SREBF1: variants seen among roughly 807,000 people sequenced by gnomAD.
SREBF1 encodes the protein sterol regulatory element-binding protein 1.
Under a neutral mutation model 100.1 loss-of-function variants are expected in SREBF1, and 45 were observed. The observed-to-expected ratio is 0.45, with a 90% CI of 0.35 to 0.58. The LOEUF is 0.58. Among genes scored for constraint, SREBF1 ranks in the 20% least tolerant of loss-of-function variants. The pLI, the probability that SREBF1 is intolerant of heterozygous loss-of-function variation, is 0.00. For synonymous variants in SREBF1, 657 were observed against 681.8 expected (o/e 0.96, Z 0.57); for missense variants, 1,324 against 1,539.4 (o/e 0.86, Z 2.34).
At chr17:17,829,508 A>G (rs2034725279) in intron 1 of SREBF1, among the ~76,000 whole-genome samples, 1 of 152,016 alleles carries the variant, frequency 6.6e-6, no homozygotes. Context: ...CAAGGCTGTG[A>G]CCAGAACTTT....
At position 17,813,803 on chromosome 17, in the gene SREBF1, G is replaced by A. The variant is rs1001475002; in HGVS notation, c.2902-34C>T. The A allele has an allele frequency of 5.9e-6, 9 of 1,532,858 alleles. No individual in the cohort carries two copies. In the African/African-American group the frequency reaches 9.6e-5, roughly 16 times the overall value. The allele number at this position is 1,532,858 out of a possible 1,614,324, so 95.0% of individuals were successfully genotyped here. A position where few individuals can be genotyped will look rare whatever the true frequency, so the allele number is the denominator to read the frequency against. On this transcript the variant is annotated intron_variant, in intron 16 of 18. Transcript: ENST00000261646. Reference sequence around the variant, plus strand: ...GGCAGGCAGGGCAGGGGTCACCAGGGCTCCAGCTCTGGGAGGGGCAGGATG... The same window carrying A: ...GGCAGGCAGGGCAGGGGTCACCAGGACTCCAGCTCTGGGAGGGGCAGGATG...
At position 17,817,077 on chromosome 17, in the gene SREBF1, A is replaced by G. The variant is rs2229591; in HGVS notation, c.1666T>C (p.Leu556=). Residue 556 remains leucine (L), a synonymous_variant, in exon 9 of 19, where the codon TTG becomes CTG. Transcript: ENST00000261646. The surrounding 1 kb of genome is among the most constrained non-coding windows in gnomAD (Gnocchi z 6.6). ...AGAAGCACCAAGGAGACGAGCACCA[A>G]CAGCCCATTGAGCAGCCAGACCACT... The part of the protein sequence containing the change: ...PPVVWLLNGL[L]VLVSLVLLFV... 0.012 allele frequency: 18,916 copies of G among 1,613,088 alleles called. 1,668 individuals are homozygous for G. The African/African-American group carries it at 0.2, about 17-fold the overall frequency.
Position 17,833,453 on chromosome 17 carries a change from ATATATATAT to A in SREBF1, c.91+3265_91+3273del, listed in dbSNP as rs2035024410. 5.5e-5 allele frequency among the ~76,000 whole-genome samples: 6 copies of A among 108,824 alleles called. No individual in the cohort carries two copies. The East Asian group carries it at 1.5e-3, about 27-fold the overall frequency. 71.4% of individuals were successfully genotyped at this position (108,824 alleles called of 152,430 possible). A position where few individuals can be genotyped will look rare whatever the true frequency, so the allele number is the denominator to read the frequency against. The stretch of plus-strand genomic sequence containing the variant: ...AAAAAAAAAAAAAAAAAAAAAAAAT[ATATATATAT>A]ATATATATATATACACACACACATA... On this transcript the variant is annotated intron_variant, in intron 1 of 18. Coordinates refer to ENST00000261646, the MANE Select transcript of SREBF1 (RefSeq NM_004176.5).
chr17:17,825,179 T>G (rs1172202612), intron 1 of SREBF1, among the ~76,000 whole-genome samples: 1 of 152,190 alleles, frequency 6.6e-6, no homozygotes, highest in Admixed American at 6.5e-5. Flanking sequence ...AAGCAGATAC[T>G]AGCCTGAGAC....
intron 1 of SREBF1, among the ~76,000 whole-genome samples, chr17:17,833,420 C>CAAGAAAAA (rs2035002436): frequency 2.0e-5 from 1 of 51,088 alleles, no homozygotes; most frequent in Non-Finnish European, 3.0e-5. Flanking sequence ...GACTCCGTCT[C>CAAGAAAAA]AAAAAAAAAA....
At chr17:17,821,006 G>A (rs1246100137) in intron 1 of SREBF1, 1 of 190,014 alleles carries the variant, frequency 5.3e-6, no homozygotes, top group African/African-American at 2.3e-5. Flanking sequence ...TCCCGGCTGT[G>A]AATAAGGGAA....
chr17:17,831,059 T>C (rs886080678), intron 1 of SREBF1, among the ~76,000 whole-genome samples: 1 of 65,844 alleles, frequency 1.5e-5, no homozygotes, highest in Non-Finnish European at 4.0e-5. Context: ...TAGGTGAATG[T>C]TGGGCAGAAG....
At chr17:17,829,882 C>T (rs2034750173) in intron 1 of SREBF1, among the ~76,000 whole-genome samples, 1 of 152,036 alleles carries the variant, frequency 6.6e-6, no homozygotes, top group African/African-American at 2.4e-5. Context: ...TCAAGCGATC[C>T]CCCTGCCTCA....
chr17:17,813,233 T>G (rs2033130013), intron 18 of SREBF1, 135 bp downstream of exon 18: 8 of 913,284 alleles, frequency 8.8e-6, no homozygotes, highest in Middle Eastern at 3.2e-4. Flanking sequence ...CCTCCCAAAG[T>G]GCTAGGTGTG....
chr17:17,813,196 T>G, intron 18 of SREBF1, 172 bp downstream of exon 18: 1 of 708,980 alleles, frequency 1.4e-6, no homozygotes, highest in Non-Finnish European at 2.5e-6. Flanking sequence ...CTCCAACTCC[T>G]GGGCTCAAGC....
At position 17,817,612 on chromosome 17, in the gene SREBF1, T is replaced by C. The variant is rs749645228; in HGVS notation, c.1404+84A>G. On this transcript the variant is annotated intron_variant, in intron 7 of 18. Coordinates refer to ENST00000261646, the MANE Select transcript of SREBF1 (RefSeq NM_004176.5). The surrounding 1 kb of genome is among the most constrained non-coding windows in gnomAD (Gnocchi z 6.6). Reference sequence around the variant, plus strand: ...TCTGTCTATGAAATGGGAGGTAGGATCTGTTAGGGTCTTCCCGGCCCTGTC... The same window carrying C: ...TCTGTCTATGAAATGGGAGGTAGGACCTGTTAGGGTCTTCCCGGCCCTGTC... 6.4e-6 allele frequency: 10 copies of C among 1,572,982 alleles called. No homozygotes were observed. In the South Asian group the frequency reaches 7.9e-5, roughly 12 times the overall value.
At chr17:17,813,243 G>C in intron 18 of SREBF1, 125 bp downstream of exon 18, 21 of 1,019,004 alleles carry the variant, frequency 2.1e-5, no homozygotes, top group Non-Finnish European at 3.1e-5. Flanking sequence ...TGCTAGGTGT[G>C]AGCCACTGCG....
In SREBF1 at chr17:17,817,553, TGTG is replaced by T. The variant is rs2033727046; in HGVS notation, c.1405-99_1405-97del. 3 of 1,524,564 alleles carry T rather than the reference TGTG, an allele frequency of 2.0e-6. No individual in the cohort carries two copies. Among genetic ancestry groups the T allele is most frequent in the Non-Finnish European group, 2.7e-6 (3 of 1,120,900 alleles). 94.4% of individuals were successfully genotyped at this position (1,524,564 alleles called of 1,614,324 possible). A position where few individuals can be genotyped will look rare whatever the true frequency, so the allele number is the denominator to read the frequency against. On this transcript the variant is annotated intron_variant, in intron 7 of 18. Coordinates refer to ENST00000261646, the MANE Select transcript of SREBF1 (RefSeq NM_004176.5). This position sits in a 1 kb window ranked among gnomAD's most constrained non-coding sequence, Gnocchi z 6.6. ...GGGGTCAGGATTCTGCCCACCTTAC[TGTG>T]GGACCCCACGTGGCTCCAGGCCTCA... is the stretch of plus-strand genomic sequence containing the variant.
rs1239983272 is a variant in SREBF1, at chr17:17,816,687, C to G, written c.1817G>C (p.Trp606Ser). The change falls in exon 10 of 19, where the codon TGG (tryptophan) becomes TCG (serine). Residue 606 changes from tryptophan (W) to serine (S), a missense_variant. Trp to Ser is a radical substitution (Grantham distance 177). Coordinates refer to ENST00000261646, the MANE Select transcript of SREBF1 (RefSeq NM_004176.5). ...GDFAQAAQQL[W>S]LALRALGRPL... ...CCGGCCCAGTGCCCGCAGGGCCAGC[C>G]ACAGCTGCTGGGCAGCCTGGGCAAA... 2 of 1,584,580 alleles carry G rather than the reference C, an allele frequency of 1.3e-6. No homozygotes were observed. Among genetic ancestry groups the G allele is most frequent in the Admixed American group, 1.8e-5 (1 of 54,782 alleles).
intron 12 of SREBF1, 164 bp from the exon 13 acceptor site, chr17:17,815,493 C>A: frequency 1.6e-6 from 1 of 623,422 alleles, no homozygotes; most frequent in Non-Finnish European, 2.9e-6. Context: ...AGCGGGTGGA[C>A]ATAACTATCA....
chr17:17,836,964 C>T lies in SREBF1; in HGVS notation c.-147G>A, dbSNP rs554897947. 1 of 664,282 alleles carries T rather than the reference C, an allele frequency of 1.5e-6. No homozygotes were observed. Among genetic ancestry groups the T allele is most frequent in the Non-Finnish European group, 2.3e-6 (1 of 440,904 alleles). The allele number at this position is 664,282 out of a possible 1,614,324, so 41.1% of individuals were successfully genotyped here. ...CCTGGCCTCAGAGGCGGCCCGGCGC[C>T]GGCGAAAAGTTCCTCGGAAACTGGG... On this transcript the variant is annotated 5_prime_UTR_variant, in exon 1 of 19. Coordinates refer to ENST00000261646, the MANE Select transcript of SREBF1 (RefSeq NM_004176.5).
rs770850320 is a variant in SREBF1, at chr17:17,816,960, G to A, written c.1783C>T (p.Arg595Trp). 30 of 1,612,798 alleles carry A rather than the reference G, an allele frequency of 1.9e-5. No homozygotes were observed. Among genetic ancestry groups the A allele is most frequent in the African/African-American group, 6.7e-5 (5 of 74,934 alleles). Residue 595 changes from arginine to tryptophan, a missense_variant and splice_region_variant, in exon 9 of 19, where the codon CGG becomes TGG. By Grantham distance (101) the Arg-to-Trp change is moderately radical. Coordinates refer to ENST00000261646, the MANE Select transcript of SREBF1 (RefSeq NM_004176.5). ...CTCTGCCGGGGCCAGCCCCTTACCC[G>A]GGCCAGGTCCAGGTCAGCCTGCTTG... is the stretch of plus-strand genomic sequence containing the variant. The part of the protein sequence containing the change: ...HRKQADLDLA[R>W]GDFAQAAQQL...
rs530843182 is a variant in SREBF1, at chr17:17,813,380, C to T, written c.3202G>A (p.Gly1068Ser). Reference protein sequence around the residue: ...DRSLRRRAGPGGKGGAVAELE... With the variant: ...DRSLRRRAGPSGKGGAVAELE... ...GCTGCCCCCTCACCTCCTTTGCCAC[C>T]GGGGCCTGCCCGCCGCCTCAGACTG... The change falls in exon 18 of 19, where the codon GGT becomes AGT. Residue 1068 changes from glycine to serine, a missense_variant. Coordinates refer to ENST00000261646, the MANE Select transcript of SREBF1 (RefSeq NM_004176.5). 3.0e-5 allele frequency: 48 copies of T among 1,596,860 alleles called. 1 individual carries two copies. In the East Asian group the frequency reaches 7.3e-4, roughly 24 times the overall value.
At chr17:17,812,955 CA>C in intron 18 of SREBF1, 104 bp from the exon 19 acceptor site, 1 of 1,100,426 alleles carries the variant, frequency 9.1e-7, no homozygotes, top group South Asian at 1.7e-5. Context: ...GTACCTGGCA[CA>C]CAGGTACCTG....
Sources: gnomAD v4.1 joint callset for allele counts (sites outside exome capture counted in the v4.1 genomes callset) on GRCh38, gnomAD v4.1.1 for gene constraint, Gnocchi (gnomAD v3.1) non-coding constraint, MANE v1.5 for transcripts, NCBI Gene and HGNC (gene_info 2026-07-23, HGNC 2026-07-21) for gene names.